Variants in DPP10 observed in about 807,000 individuals in gnomAD.
DPP10 encodes inactive dipeptidyl peptidase 10.
In DPP10, 33 loss-of-function variants were observed where a neutral mutation model predicts 120.9. The ratio of observed to expected loss-of-function variants is 0.27; its 90% CI spans 0.21 to 0.37. The LOEUF (loss-of-function observed/expected upper bound fraction) is 0.37. DPP10 is among the 10% of genes least tolerant of loss of function. The pLI, the probability that DPP10 is intolerant of heterozygous loss-of-function variation, is 1.00. For synonymous variants in DPP10, 337 were observed against 326.1 expected, an observed-to-expected ratio of 1.03 and a Z score of -0.36; for missense variants, 816 against 942.8, an observed-to-expected ratio of 0.87 and a Z score of 1.76.
intron 1 of DPP10, among the ~76,000 whole-genome samples, chr2:115,279,848 G>C (rs1027519678): frequency 1.3e-5 from 2 of 151,394 alleles, no homozygotes; most frequent in African/African-American, 4.9e-5. Flanking sequence ...TTTTAGTAGC[G>C]ACAGGGTTTC....
At chr2:114,950,515 C>T (rs746809321) in intron 1 of DPP10, among the ~76,000 whole-genome samples, 5 of 151,318 alleles carry the variant, frequency 3.3e-5, no homozygotes, top group Non-Finnish European at 7.4e-5. Context: ...ACGGTGTTAG[C>T]AGGATGGTCT....
intron 1 of DPP10, among the ~76,000 whole-genome samples, chr2:115,296,910 T>G (rs553405769): frequency 6.6e-6 from 1 of 152,172 alleles, no homozygotes; most frequent in Non-Finnish European, 1.5e-5. Context: ...TTTAAGAGTT[T>G]ACAGATGTTC....
At chr2:115,063,450 T>C (rs571187544) in intron 1 of DPP10, among the ~76,000 whole-genome samples, 37 of 152,210 alleles carry the variant, frequency 2.4e-4, no homozygotes, top group African/African-American at 8.4e-4. Flanking sequence ...AAAGAGCCCA[T>C]ATAGCCAACA....
intron 1 of DPP10, among the ~76,000 whole-genome samples, chr2:115,004,167 G>T (rs1701644614): frequency 6.6e-6 from 1 of 152,108 alleles, no homozygotes; most frequent in Non-Finnish European, 1.5e-5. Context: ...GATCACCAGA[G>T]GCTGGAAAGG....
intron 1 of DPP10, among the ~76,000 whole-genome samples, chr2:114,968,743 A>G (rs1227558347): frequency 6.6e-6 from 1 of 152,156 alleles, no homozygotes; most frequent in Non-Finnish European, 1.5e-5. Flanking sequence ...ACGTTTACTA[A>G]TTTTTCAGCA....
chr2:115,489,507 G>A (rs1028204642), intron 3 of DPP10, among the ~76,000 whole-genome samples: 1 of 151,138 alleles, frequency 6.6e-6, no homozygotes, highest in Non-Finnish European at 1.5e-5. Context: ...GAGATCACAA[G>A]AATAACAAAA....
chr2:115,691,617 C>A (rs2149502503), intron 7 of DPP10, among the ~76,000 whole-genome samples: 1 of 152,192 alleles, frequency 6.6e-6, no homozygotes, highest in Admixed American at 6.5e-5. Flanking sequence ...GCTTTACTAG[C>A]TGACAAGGCA....
intron 1 of DPP10, among the ~76,000 whole-genome samples, chr2:114,709,964 G>T (rs867140651): frequency 6.6e-6 from 1 of 152,198 alleles, no homozygotes; most frequent in South Asian, 2.1e-4. Context: ...ACTATGCTAT[G>T]GTCTTTGCAT....
chr2:114,962,195 A>G (rs1698692597), intron 1 of DPP10, among the ~76,000 whole-genome samples: 1 of 152,188 alleles, frequency 6.6e-6, no homozygotes, highest in Non-Finnish European at 1.5e-5. Flanking sequence ...GGGTCACACA[A>G]AAAAATAAAG....
intron 1 of DPP10, among the ~76,000 whole-genome samples, chr2:115,121,909 G>A (rs750740599): frequency 4.6e-5 from 7 of 152,180 alleles, no homozygotes; most frequent in Non-Finnish European, 8.8e-5. Context: ...AGGCTGAACA[G>A]TATTACAAAG....
At chr2:115,179,276 A>G (rs2053915279) in intron 1 of DPP10, among the ~76,000 whole-genome samples, 1 of 152,200 alleles carries the variant, frequency 6.6e-6, no homozygotes. Flanking sequence ...TTCTTTTATA[A>G]TAAGAAAGAT....
chr2:115,156,432 A>C (rs1279891131), intron 1 of DPP10, among the ~76,000 whole-genome samples: 1 of 152,208 alleles, frequency 6.6e-6, no homozygotes, highest in Non-Finnish European at 1.5e-5. Flanking sequence ...GGAGAATTTG[A>C]ATCTAGTACT....
At chr2:115,389,694 G>A (rs147017828) in intron 3 of DPP10, among the ~76,000 whole-genome samples, 177 of 152,244 alleles carry the variant, frequency 1.2e-3, no homozygotes, top group Non-Finnish European at 2.4e-3. Flanking sequence ...AAAACAACAC[G>A]TGCATTCTAG....
intron 1 of DPP10, among the ~76,000 whole-genome samples, chr2:114,495,711 G>A (rs7559909): frequency 0.26 from 38,849 of 152,004 alleles, 6,233 homozygotes; most frequent in Admixed American, 0.4. Context: ...TAAAGATAAG[G>A]CCATAAACTG....
At chr2:114,462,373 C>T (rs775481889) in intron 1 of DPP10, among the ~76,000 whole-genome samples, 19 of 152,166 alleles carry the variant, frequency 1.2e-4, no homozygotes, top group Admixed American at 2.6e-4. Flanking sequence ...CCAGGATCCC[C>T]TCTAACACAT....
At chr2:115,224,449 C>G (rs1374915943) in intron 1 of DPP10, among the ~76,000 whole-genome samples, 1 of 152,022 alleles carries the variant, frequency 6.6e-6, no homozygotes, top group Non-Finnish European at 1.5e-5. Flanking sequence ...GTGAGTTTCT[C>G]TAAGTTTCCT....
intron 3 of DPP10, among the ~76,000 whole-genome samples, chr2:115,482,252 A>G (rs943088631): frequency 6.6e-6 from 1 of 151,746 alleles, no homozygotes; most frequent in Non-Finnish European, 1.5e-5. Flanking sequence ...TATTGTGTCT[A>G]TTTAATGTAT....
At chr2:115,495,396 C>G (rs1404395493) in intron 3 of DPP10, among the ~76,000 whole-genome samples, 1 of 90,486 alleles carries the variant, frequency 1.1e-5, no homozygotes, top group Middle Eastern at 6.8e-3. Context: ...GTTTTTCGTT[C>G]TGATTTACAA....
At chr2:114,527,798 T>C (rs1178308925) in intron 1 of DPP10, among the ~76,000 whole-genome samples, 5 of 152,178 alleles carry the variant, frequency 3.3e-5, no homozygotes, top group African/African-American at 1.2e-4. Context: ...CTATTGCTCC[T>C]AAGATACAAA....
Sources: allele counts gnomAD v4.1 joint callset (sites outside exome capture counted in the v4.1 genomes callset), GRCh38; gene constraint gnomAD v4.1.1; transcripts MANE v1.5; gene names NCBI Gene and HGNC (gene_info 2026-07-23, HGNC 2026-07-21).